Variants in ASPRV1 observed in about 807,000 individuals in gnomAD.
The protein encoded by ASPRV1 is retroviral-like aspartic protease 1.
Under a neutral mutation model 11.0 loss-of-function variants are expected in ASPRV1, and 7 were observed. The ratio of observed to expected loss-of-function variants is 0.64; its 90% confidence interval spans 0.36 to 1.20. ASPRV1 has a LOEUF of 1.20. Among genes scored for constraint, ASPRV1 ranks in the 50% most tolerant of loss-of-function variants. The pLI is 0.02. For missense variants in ASPRV1, 299 were observed against 320.0 expected (o/e 0.93, Z 0.50); for synonymous variants, 136 against 138.4 (o/e 0.98, Z 0.12).
chr2:70,081,757 T>C, the ASPRV1 span, among the ~76,000 whole-genome samples: 6 of 151,936 alleles, frequency 3.9e-5, no homozygotes, highest in African/African-American at 1.5e-4. Flanking sequence ...TTAATGTTTT[T>C]ATTTTTTTGT....
the ASPRV1 span, chr2:70,028,673 A>C: frequency 6.6e-6 from 1 of 152,192 alleles, no homozygotes; most frequent in African/African-American, 2.4e-5. Flanking sequence ...TCACAAATAG[A>C]TTCATGTCAT....
At chr2:70,006,947 A>G in the ASPRV1 span, among the ~76,000 whole-genome samples, 1 of 152,254 alleles carries the variant, frequency 6.6e-6, no homozygotes, top group East Asian at 1.9e-4. Flanking sequence ...CCTGGGTTCA[A>G]GTCCCAGATC....
chr2:69,973,386 G>T, the ASPRV1 span, among the ~76,000 whole-genome samples: 13 of 148,654 alleles, frequency 8.7e-5, no homozygotes, highest in Admixed American at 2.7e-4. Context: ...TTCACTTGTT[G>T]TTTTTTTTTT....
chr2:69,964,032 T>C (rs1051655830), upstream of ASPRV1, among the ~76,000 whole-genome samples: 4 of 152,178 alleles, frequency 2.6e-5, no homozygotes, highest in Non-Finnish European at 4.4e-5. Context: ...ATCACCAAAA[T>C]TGGCAAATGC....
upstream of ASPRV1, among the ~76,000 whole-genome samples, chr2:69,965,674 T>C (rs1477113841): frequency 2.0e-5 from 3 of 152,132 alleles, no homozygotes; most frequent in Middle Eastern, 3.4e-3. Flanking sequence ...AGTTTCCTTA[T>C]CCCCAAACCT....
At position 69,961,588 on chromosome 2, in the gene ASPRV1, GCGGT is replaced by G; in HGVS notation, c.-156_-153del. 6.2e-7 allele frequency: 1 copy of G among 1,613,156 alleles called. No individual in the cohort carries two copies. The highest frequency in any genetic ancestry group is 8.5e-7 in the Non-Finnish European group (1 of 1,179,332). The stretch of plus-strand genomic sequence containing the variant: ...CTTGGGCAAGCAGGAGGGAGCAGGC[GCGGT>G]CGGCTGGCTGACTGCTGGGGCAGAG... On this transcript the variant is annotated 5_prime_UTR_variant, in exon 1 of 1. Coordinates refer to ENST00000320256, the MANE Select transcript of ASPRV1 (RefSeq NM_152792.4).
the ASPRV1 span, among the ~76,000 whole-genome samples, chr2:70,034,154 TAAAAAA>T: frequency 7.2e-4 from 50 of 69,234 alleles, no homozygotes; most frequent in African/African-American, 2.6e-3. Flanking sequence ...CTCCATCTCA[TAAAAAA>T]AAAAAAAAAA....
the ASPRV1 span, among the ~76,000 whole-genome samples, chr2:70,024,994 T>C: frequency 7.2e-5 from 11 of 152,250 alleles, no homozygotes; most frequent in African/African-American, 2.4e-4. Context: ...AACCTTGCAC[T>C]GTCTGTAGCT....
the ASPRV1 span, among the ~76,000 whole-genome samples, chr2:69,974,337 C>CAAA: frequency 1.4e-5 from 2 of 144,494 alleles, no homozygotes; most frequent in Non-Finnish European, 3.1e-5. Flanking sequence ...AACTCCATCT[C>CAAA]AAAAAAAAAA....
chr2:70,081,917 G>A, the ASPRV1 span, among the ~76,000 whole-genome samples: 4 of 151,476 alleles, frequency 2.6e-5, no homozygotes, highest in Non-Finnish European at 5.9e-5. Context: ...GAAATAGAAA[G>A]ATAAATCTTA....
At chr2:70,048,426 A>G in the ASPRV1 span, among the ~76,000 whole-genome samples, 2 of 151,868 alleles carry the variant, frequency 1.3e-5, no homozygotes, top group African/African-American at 2.4e-5. Context: ...AAAGAAAAAA[A>G]AAAAAGAAAA....
the ASPRV1 span, chr2:70,086,304 G>C: frequency 2.6e-5 from 4 of 152,230 alleles, no homozygotes; most frequent in Admixed American, 6.5e-5. Flanking sequence ...CAAGGGTAAG[G>C]AACAGGGGAG....
the ASPRV1 span, among the ~76,000 whole-genome samples, chr2:70,052,294 C>A: frequency 6.6e-6 from 1 of 151,990 alleles, no homozygotes. Flanking sequence ...AGTATTATAT[C>A]CACTCACTGA....
the ASPRV1 span, among the ~76,000 whole-genome samples, chr2:69,983,199 G>A: frequency 9.2e-5 from 14 of 152,208 alleles, no homozygotes; most frequent in Admixed American, 7.9e-4. Flanking sequence ...GATTCCAGGC[G>A]TGAGCCACCA....
chr2:70,080,385 C>G, the ASPRV1 span, among the ~76,000 whole-genome samples: 1 of 152,178 alleles, frequency 6.6e-6, no homozygotes, highest in East Asian at 1.9e-4. Context: ...TGCCACCACA[C>G]TCAGCTAATT....
At chr2:69,933,925 T>C in the ASPRV1 span, among the ~76,000 whole-genome samples, 1 of 152,154 alleles carries the variant, frequency 6.6e-6, no homozygotes, top group Non-Finnish European at 1.5e-5. Flanking sequence ...TCCAAGTAGG[T>C]TGTGTGTGGG....
chr2:69,972,063 T>C, the ASPRV1 span, among the ~76,000 whole-genome samples: 1 of 151,842 alleles, frequency 6.6e-6, no homozygotes, highest in Non-Finnish European at 1.5e-5. Context: ...AGGTTTTCTT[T>C]ACCATTTTTT....
chr2:69,974,604 C>T, the ASPRV1 span, among the ~76,000 whole-genome samples: 1 of 152,152 alleles, frequency 6.6e-6, no homozygotes, highest in South Asian at 2.1e-4. Context: ...AACCTGATGG[C>T]CCTGCCCAAT....
At chr2:69,972,687 G>A in the ASPRV1 span, among the ~76,000 whole-genome samples, 1 of 152,128 alleles carries the variant, frequency 6.6e-6, no homozygotes, top group South Asian at 2.1e-4. Flanking sequence ...TGAGTGTTCT[G>A]CAGTCCTCCT....
Sources: gnomAD v4.1 joint callset for allele counts (sites outside exome capture counted in the v4.1 genomes callset) on GRCh38, gnomAD v4.1.1 for gene constraint, MANE v1.5 for transcripts, NCBI Gene and HGNC (gene_info 2026-07-23, HGNC 2026-07-21) for gene names.